Variants in ATP11C observed in about 807,000 individuals in gnomAD.
The protein encoded by ATP11C is ATPase phospholipid transporting 11C (ATP11C blood group), also known as phospholipid-transporting ATPase IG.
ATP11C carries 36 observed loss-of-function variants against 97.4 expected under a neutral mutation model. The observed-to-expected ratio is 0.37, with a 90% CI of 0.28 to 0.49. ATP11C has a LOEUF of 0.49. Ranked by LOEUF, ATP11C falls within the 20% of genes least tolerant of loss-of-function variation. ATP11C has a pLI of 0.98. For synonymous variants in ATP11C, 275 were observed against 290.9 expected (o/e 0.95, Z 0.56); for missense variants, 730 against 824.6 (o/e 0.89, Z 1.40).
chrX:139,916,872 T>C (rs1341458914), intron 1 of ATP11C, among the ~76,000 whole-genome samples: 1 of 111,309 alleles, frequency 9.0e-6, no homozygotes, highest in Non-Finnish European at 1.9e-5. Flanking sequence ...TACAAAACAA[T>C]ATGTAATCAA....
At chrX:139,772,920 T>C (rs775524513) in intron 19 of ATP11C, among the ~76,000 whole-genome samples, 2 of 110,710 alleles carry the variant, frequency 1.8e-5, no homozygotes, top group Admixed American at 9.5e-5. Flanking sequence ...TGGGAAGGCA[T>C]GATTGGTTTT....
intron 12 of ATP11C, among the ~76,000 whole-genome samples, chrX:139,790,464 TCACACACACACACACA>T (rs56853640): frequency 1.3e-4 from 13 of 99,217 alleles, no homozygotes; most frequent in Admixed American, 1.1e-4. Context: ...TCTCTCTCAC[TCACACACACACACACA>T]CACACACACA....
At chrX:139,745,593 T>C in intron 25 of ATP11C, 129 bp downstream of exon 25, 1 of 645,168 alleles carries the variant, frequency 1.5e-6, no homozygotes, top group Admixed American at 3.7e-5. Context: ...GAGAACTAAC[T>C]ACTGTATCTT....
intron 1 of ATP11C, among the ~76,000 whole-genome samples, chrX:139,911,410 T>C (rs773663006): frequency 6.2e-5 from 7 of 112,070 alleles, no homozygotes; most frequent in Non-Finnish European, 1.3e-4. Context: ...TGCAAATTAA[T>C]ATCATCGTGA....
rs2081779310 is a variant in ATP11C at position 139,750,057 on chromosome X, A to C, written c.2796T>G (p.Ile932Met). 8.3e-7 allele frequency: 1 copy of C among 1,202,288 alleles called. No homozygotes were observed. The highest frequency in any genetic ancestry group is 1.1e-6 in the Non-Finnish European group (1 of 889,640). ...ATCGGGGATCTGAGGTCAGAGTGTC[A>C]ATGTTGATGTGCTGTTCCAGTAGAC... ...AYSLLEQHINIDTLTSDPRLY... is the reference protein window; with the variant it reads ...AYSLLEQHINMDTLTSDPRLY... The change falls in exon 24 of 30, where the codon ATT (isoleucine) becomes ATG (methionine). Residue 932 changes from isoleucine (I) to methionine (M), a missense_variant. Physicochemically the swap from Ile to Met is conservative, Grantham distance 10. Coordinates refer to ENST00000682941, the MANE Select transcript of ATP11C (RefSeq NM_001353812.2).
rs1382215510 is a variant in ATP11C, at chrX:139,757,882, T to A, written c.2641-15A>T. ...AAACAAAGGTTCTGAAAAAAAAAAA[T>A]TAAGACAAGGATTAACATTTTCACT... On this transcript the variant is annotated splice_polypyrimidine_tract_variant and intron_variant, in intron 22 of 29. Coordinates refer to ENST00000682941, the MANE Select transcript of ATP11C (RefSeq NM_001353812.2). The A allele has an allele frequency of 1.1e-5, 12 of 1,073,791 alleles. No homozygotes were observed. The highest frequency in any genetic ancestry group is 4.3e-5 in the South Asian group (2 of 46,203). The allele number at this position is 1,073,791 out of a possible 1,213,427, so 88.5% of individuals were successfully genotyped here. A position where few individuals can be genotyped will look rare whatever the true frequency, so the allele number is the denominator to read the frequency against.
chrX:139,742,967 C>A (rs1313179306), intron 26 of ATP11C, among the ~76,000 whole-genome samples: 1 of 104,662 alleles, frequency 9.6e-6, no homozygotes, highest in African/African-American at 3.5e-5. Context: ...AACTCCTGGG[C>A]TCAAGCGATC....
At chrX:139,745,133 C>T (rs759347565) in intron 25 of ATP11C, among the ~76,000 whole-genome samples, 5 of 111,421 alleles carry the variant, frequency 4.5e-5, no homozygotes, top group Admixed American at 9.6e-5. Flanking sequence ...CAGCTGTCCC[C>T]GCCATCAGTA....
intron 1 of ATP11C, among the ~76,000 whole-genome samples, chrX:139,890,121 G>A (rs767304015): frequency 2.7e-5 from 3 of 111,624 alleles, no homozygotes; most frequent in Non-Finnish European, 5.6e-5. Flanking sequence ...GGTGGGAGAA[G>A]ATCAAGAGTT....
intron 1 of ATP11C, among the ~76,000 whole-genome samples, chrX:139,912,090 G>A (rs1037540383): frequency 9.9e-6 from 1 of 101,405 alleles, no homozygotes; most frequent in African/African-American, 3.7e-5. Context: ...CAGGCGAATC[G>A]CTTGAACCCA....
At chrX:139,881,761 G>C (rs938020184) in intron 1 of ATP11C, among the ~76,000 whole-genome samples, 1 of 111,513 alleles carries the variant, frequency 9.0e-6, no homozygotes, top group African/African-American at 3.3e-5. Flanking sequence ...TATCTTTATC[G>C]CACTTTTCCT....
intron 18 of ATP11C, among the ~76,000 whole-genome samples, chrX:139,779,232 T>C (rs2082406290): frequency 8.9e-6 from 1 of 111,892 alleles, no homozygotes; most frequent in Non-Finnish European, 1.9e-5. Flanking sequence ...CTTGACCAAA[T>C]GGACCTAATA....
chrX:139,899,514 G>C (rs2084863603), intron 1 of ATP11C, among the ~76,000 whole-genome samples: 1 of 109,400 alleles, frequency 9.1e-6, no homozygotes, highest in Non-Finnish European at 1.9e-5. Flanking sequence ...TTTTGGAAGG[G>C]ACCCCAGAAC....
At chrX:139,825,455 C>T (rs1490685908) in intron 2 of ATP11C, among the ~76,000 whole-genome samples, 1 of 111,848 alleles carries the variant, frequency 8.9e-6, no homozygotes, top group African/African-American at 3.3e-5. Flanking sequence ...GAACTATTCA[C>T]TATTTTAGGC....
rs2081285093 is a variant in ATP11C at position 139,728,475 on chromosome X, G to GA, written c.*490dup. 2.6e-5 allele frequency: 3 copies of GA among 114,957 alleles called. No individual in the cohort carries two copies. The highest frequency in any genetic ancestry group is 9.1e-5 in the Admixed American group (1 of 11,048). The allele number at this position is 114,957 out of a possible 1,213,427, so 9.5% of individuals were successfully genotyped here. A position where few individuals can be genotyped will look rare whatever the true frequency, so the allele number is the denominator to read the frequency against. The stretch of plus-strand genomic sequence containing the variant: ...TTTCAAGTATTCCTTATGTACTTGG[G>GA]AAAAAAAATTAAGATGATCATTTAG... On this transcript the variant is annotated 3_prime_UTR_variant, in exon 30 of 30. Transcript: ENST00000682941.
At chrX:139,793,683 A>G (rs1317088183) in intron 12 of ATP11C, among the ~76,000 whole-genome samples, 4 of 111,644 alleles carry the variant, frequency 3.6e-5, no homozygotes, top group Non-Finnish European at 5.6e-5. Context: ...ACAAGAATGT[A>G]AAGATTAAAA....
In ATP11C at chrX:139,932,166, C is replaced by G; in HGVS notation, c.-124G>C. 3.3e-6 allele frequency: 2 copies of G among 603,727 alleles called. No individual in the cohort carries two copies. Among genetic ancestry groups the G allele is most frequent in the Non-Finnish European group, 4.2e-6 (2 of 472,229 alleles). The allele number at this position is 603,727 out of a possible 1,213,427, so 49.8% of individuals were successfully genotyped here. A position where few individuals can be genotyped will look rare whatever the true frequency, so the allele number is the denominator to read the frequency against. On this transcript the variant is annotated 5_prime_UTR_variant, in exon 1 of 30. Coordinates refer to ENST00000682941, the MANE Select transcript of ATP11C (RefSeq NM_001353812.2). ...CGGAGCAGCGAGGCGGGCGGCCGGG[C>G]CACCCGCTCGCCGCCTGCCCCCCTC...
chrX:139,764,018 T>A (rs1305179810), intron 20 of ATP11C, among the ~76,000 whole-genome samples: 1 of 112,180 alleles, frequency 8.9e-6, no homozygotes, highest in Non-Finnish European at 1.9e-5. Context: ...TGTGTGACAG[T>A]AGAAGCCAGA....
chrX:139,772,083 G>T (rs935375068), intron 19 of ATP11C, among the ~76,000 whole-genome samples: 1 of 111,895 alleles, frequency 8.9e-6, no homozygotes, highest in African/African-American at 3.3e-5. Flanking sequence ...CAGGCCCAGC[G>T]TCCCCGTGCT....
Sources: gnomAD v4.1 joint callset for allele counts (sites outside exome capture counted in the v4.1 genomes callset) on GRCh38, gnomAD v4.1.1 for gene constraint, MANE v1.5 for transcripts, NCBI Gene and HGNC (gene_info 2026-07-23, HGNC 2026-07-21) for gene names.